The following ADGRL2 variants were observed in gnomAD, a reference collection of about 807,000 sequenced individuals.
ADGRL2 encodes the protein adhesion G protein-coupled receptor L2.
ADGRL2 carries 44 observed loss-of-function variants against 157.4 expected under a neutral mutation model. The observed-to-expected ratio is 0.28, with a 90% CI of 0.22 to 0.36. ADGRL2 has a LOEUF of 0.36. ADGRL2 is among the 10% of genes least tolerant of loss of function. The pLI is 1.00. For missense variants in ADGRL2, 1,510 were observed against 1,768.9 expected (o/e 0.85, Z 2.63); for synonymous variants, 585 against 624.7 (o/e 0.94, Z 0.95).
In ADGRL2 at chr1:81,991,079, C is replaced by T. The variant is rs756602232; in HGVS notation, c.4344C>T (p.Asn1448=). Residue 1448 remains asparagine, a synonymous_variant, in exon 24 of 24, where the codon AAC becomes AAT. Transcript: ENST00000686636. ...GTGATGGTTATATAATCCCCATTAA[C>T]AAAGAAGGGTGTATTCCAGAAGGAG... is the stretch of plus-strand genomic sequence containing the variant. ...GNSDGYIIPI[N]KEGCIPEGDV... The T allele has an allele frequency of 4.3e-6, 7 of 1,613,252 alleles. No individual in the cohort carries two copies. Among genetic ancestry groups the T allele is most frequent in the Admixed American group, 1.7e-5 (1 of 59,972 alleles).
At chr1:81,391,495 G>C (rs556459441) in intron 1 of ADGRL2, among the ~76,000 whole-genome samples, 1 of 152,230 alleles carries the variant, frequency 6.6e-6, no homozygotes. Context: ...AATTCAGTTT[G>C]TATGTATTTT....
At chr1:81,759,575 T>G (rs977037856) in intron 1 of ADGRL2, among the ~76,000 whole-genome samples, 6 of 152,152 alleles carry the variant, frequency 3.9e-5, no homozygotes, top group African/African-American at 1.4e-4. Context: ...CAAAAGTTTT[T>G]TCTAGTCTTT....
intron 3 of ADGRL2, among the ~76,000 whole-genome samples, chr1:81,617,918 C>G (rs1036416385): frequency 6.6e-6 from 1 of 152,174 alleles, no homozygotes; most frequent in Non-Finnish European, 1.5e-5. Flanking sequence ...CTAATGCTAA[C>G]CTTGAAATGT....
intron 2 of ADGRL2, among the ~76,000 whole-genome samples, chr1:81,775,254 T>C (rs983598371): frequency 6.6e-6 from 1 of 152,146 alleles, no homozygotes; most frequent in Non-Finnish European, 1.5e-5. Flanking sequence ...ACTTTAAATA[T>C]AAAATGTCTC....
chr1:81,810,863 G>A (rs2089781762), intron 1 of ADGRL2, among the ~76,000 whole-genome samples: 1 of 151,794 alleles, frequency 6.6e-6, no homozygotes, highest in Admixed American at 6.6e-5. Flanking sequence ...TAATGTCCTA[G>A]ACATGTTCAC....
At chr1:81,349,992 C>T (rs1662769212) in intron 1 of ADGRL2, among the ~76,000 whole-genome samples, 2 of 152,112 alleles carry the variant, frequency 1.3e-5, no homozygotes, top group South Asian at 4.1e-4. Context: ...TGTGCACCTT[C>T]CCAACCCATA....
chr1:81,310,592 T>C (rs1659678510), intron 1 of ADGRL2, among the ~76,000 whole-genome samples: 1 of 152,198 alleles, frequency 6.6e-6, no homozygotes, highest in East Asian at 1.9e-4. Flanking sequence ...ATCAGGCAGA[T>C]GGACTGCCCT....
intron 2 of ADGRL2, among the ~76,000 whole-genome samples, chr1:81,538,815 G>A (rs1175870338): frequency 6.6e-6 from 1 of 151,968 alleles, no homozygotes; most frequent in African/African-American, 2.4e-5. Context: ...GACCAGCCTT[G>A]GCAACATGAC....
At chr1:81,812,923 G>A (rs1417496330) in intron 1 of ADGRL2, among the ~76,000 whole-genome samples, 3 of 151,774 alleles carry the variant, frequency 2.0e-5, no homozygotes, top group Admixed American at 2.0e-4. Flanking sequence ...GTACTTGATT[G>A]AAACCTGAAT....
chr1:81,681,564 G>T (rs754562460), intron 3 of ADGRL2, among the ~76,000 whole-genome samples: 1 of 152,192 alleles, frequency 6.6e-6, no homozygotes, highest in Non-Finnish European at 1.5e-5. Flanking sequence ...TACAGTTTGG[G>T]AACTAGGCAA....
intron 3 of ADGRL2, among the ~76,000 whole-genome samples, chr1:81,612,069 A>G (rs1000742387): frequency 6.6e-6 from 1 of 152,172 alleles, no homozygotes; most frequent in Admixed American, 6.5e-5. Context: ...TCCTTTCTTT[A>G]TAAATTACCC....
At chr1:81,948,481 C>G (rs903162580) in intron 6 of ADGRL2, among the ~76,000 whole-genome samples, 4 of 152,164 alleles carry the variant, frequency 2.6e-5, no homozygotes, top group African/African-American at 9.6e-5. Context: ...GTGTAGCGCT[C>G]AAGCATTTTG....
Position 81,376,790 on chromosome 1 carries a change from T to C in ADGRL2, c.-301-68246T>C, listed in dbSNP as rs111702670. The stretch of plus-strand genomic sequence containing the variant: ...CATTGAGACACAACCAGATTGAATA[T>C]GGGCCAAGACTTTTGGAAGCTAGTG... On this transcript the variant is annotated intron_variant, in intron 1 of 24. Transcript: ENST00000370721. Among the ~76,000 whole-genome samples the C allele has an allele frequency of 7.9e-3, 1,207 of 152,274 alleles. 15 individuals carry two copies. Among genetic ancestry groups the C allele is most frequent in the African/African-American group, 0.027 (1,124 of 41,550 alleles).
At chr1:81,344,750 C>T (rs1216888110) in intron 1 of ADGRL2, among the ~76,000 whole-genome samples, 1 of 146,602 alleles carries the variant, frequency 6.8e-6, no homozygotes, top group Non-Finnish European at 1.5e-5. Flanking sequence ...CATAAAAAAT[C>T]AAGGAAATAT....
At chr1:81,932,818 C>T (rs1047834276) in intron 3 of ADGRL2, among the ~76,000 whole-genome samples, 2 of 152,242 alleles carry the variant, frequency 1.3e-5, no homozygotes, top group Middle Eastern at 3.4e-3. Flanking sequence ...CTCTGCCTCC[C>T]GAGTAGCTGG....
chr1:81,429,762 C>A (rs1389142864), intron 1 of ADGRL2, among the ~76,000 whole-genome samples: 3 of 152,144 alleles, frequency 2.0e-5, no homozygotes, highest in African/African-American at 7.2e-5. Flanking sequence ...TGGAACAAAT[C>A]TGTAGTGAGA....
intron 3 of ADGRL2, among the ~76,000 whole-genome samples, chr1:81,618,084 A>G (rs1032385757): frequency 1.3e-5 from 2 of 151,764 alleles, no homozygotes; most frequent in Non-Finnish European, 2.9e-5. Flanking sequence ...CCTTCCAATT[A>G]TAAGGAGTTT....
intron 1 of ADGRL2, among the ~76,000 whole-genome samples, chr1:81,824,098 C>T (rs563723517): frequency 9.7e-4 from 148 of 152,114 alleles, no homozygotes; most frequent in Non-Finnish European, 1.9e-3. Context: ...TACATAAATT[C>T]GTGACATTAC....
chr1:81,570,399 T>C (rs1241322440), intron 2 of ADGRL2, among the ~76,000 whole-genome samples: 1 of 152,188 alleles, frequency 6.6e-6, no homozygotes, highest in Non-Finnish European at 1.5e-5. Context: ...TGTTTGTTTG[T>C]TTTTGACATG....
Sources: allele counts gnomAD v4.1 joint callset (sites outside exome capture counted in the v4.1 genomes callset), GRCh38; gene constraint gnomAD v4.1.1; transcripts MANE v1.5; gene names NCBI Gene and HGNC (gene_info 2026-07-23, HGNC 2026-07-21).